Variants in VBP1 observed in about 807,000 individuals in gnomAD.
VBP1 encodes the protein VHL binding protein 1, also known as prefoldin subunit 3.
In VBP1, 4 loss-of-function variants were observed where a neutral mutation model predicts 15.5. That is an observed-to-expected ratio of 0.26 (90% CI 0.13 to 0.59). The LOEUF (loss-of-function observed/expected upper bound fraction) is 0.59, where lower values mean the gene tolerates loss of function less well. Among genes scored for constraint, VBP1 ranks in the 20% least tolerant of loss-of-function variants. The pLI is 0.90. For missense variants in VBP1, 108 were observed against 139.6 expected (o/e 0.77, Z 1.14); for synonymous variants, 61 against 52.1 (o/e 1.17, Z -0.74).
At chrX:155,200,898 A>G (rs2074600578) in intron 1 of VBP1, among the ~76,000 whole-genome samples, 1 of 110,499 alleles carries the variant, frequency 9.0e-6, no homozygotes, top group Non-Finnish European at 1.9e-5. Flanking sequence ...GAAGAATCAA[A>G]TAGATGCAAT....
At chrX:155,223,940 G>T (rs1483977680) in intron 2 of VBP1, among the ~76,000 whole-genome samples, 2 of 110,004 alleles carry the variant, frequency 1.8e-5, no homozygotes, top group Non-Finnish European at 3.8e-5. Context: ...TGGCTGGTCA[G>T]AGACGCTCCT....
intron 2 of VBP1, among the ~76,000 whole-genome samples, chrX:155,224,020 G>T (rs1207800816): frequency 3.7e-5 from 4 of 107,828 alleles, no homozygotes; most frequent in African/African-American, 1.4e-4. Flanking sequence ...CTGGGCAGAG[G>T]CGCTCCCCAC....
chrX:155,205,541 A>G (rs2074623293), intron 1 of VBP1, among the ~76,000 whole-genome samples: 1 of 111,170 alleles, frequency 9.0e-6, no homozygotes, highest in Admixed American at 9.6e-5. Context: ...CTTTTTCCTA[A>G]TCCATTTTCT....
chrX:155,231,674 A>G (rs1254264777), intron 4 of VBP1, among the ~76,000 whole-genome samples: 1 of 112,336 alleles, frequency 8.9e-6, no homozygotes, highest in African/African-American at 3.2e-5. Flanking sequence ...ATCTGTATGT[A>G]CCTAAATATT....
chrX:155,223,523 A>G (rs1252338759), intron 2 of VBP1, among the ~76,000 whole-genome samples: 1 of 111,638 alleles, frequency 9.0e-6, no homozygotes, highest in African/African-American at 3.3e-5. Flanking sequence ...GGGTAAGGTT[A>G]TAGATTAACA....
intron 1 of VBP1, among the ~76,000 whole-genome samples, chrX:155,200,902 A>C (rs201031349): frequency 9.1e-6 from 1 of 110,362 alleles, no homozygotes; most frequent in Non-Finnish European, 1.9e-5. Flanking sequence ...AATCAAATAG[A>C]TGCAATAAAA....
intron 2 of VBP1, among the ~76,000 whole-genome samples, chrX:155,225,761 G>C (rs114215469): frequency 0.028 from 3,162 of 112,007 alleles, 99 homozygotes; most frequent in African/African-American, 0.094. Flanking sequence ...ACATCTTTCT[G>C]TTTACCTATA....
upstream of VBP1, among the ~76,000 whole-genome samples, chrX:155,214,768 C>CTTTTTTT (rs782556765): frequency 1.6e-3 from 131 of 83,063 alleles, 2 homozygotes; most frequent in African/African-American, 4.9e-3. Context: ...TTTTCTTTTC[C>CTTTTTTT]TTTTTTTTTT....
At chrX:155,232,752 G>A (rs781919587) in intron 4 of VBP1, among the ~76,000 whole-genome samples, 1 of 112,919 alleles carries the variant, frequency 8.9e-6, no homozygotes, top group South Asian at 3.6e-4. Context: ...TGGGGAAACT[G>A]GCAGTATCTG....
At chrX:155,204,506 C>A (rs782387772) in intron 1 of VBP1, among the ~76,000 whole-genome samples, 115 of 111,575 alleles carry the variant, frequency 1.0e-3, no homozygotes, top group African/African-American at 3.7e-3. Context: ...CAACTACGAA[C>A]AGAAAAAAAT....
chrX:155,235,116 ATG>A (rs112094871), intron 4 of VBP1, among the ~76,000 whole-genome samples: 2,366 of 96,829 alleles, frequency 0.024, 48 homozygotes, highest in African/African-American at 0.059. Context: ...GTGTGTGTGT[ATG>A]TGTGTGTGTG....
At chrX:155,227,369 C>G (rs1285529180) in intron 3 of VBP1, 68 bp downstream of exon 3, 3 of 803,892 alleles carry the variant, frequency 3.7e-6, no homozygotes, top group East Asian at 3.8e-5. Context: ...TCTTCTTTGA[C>G]TCTTTGGTCA....
chrX:155,200,460 C>G (rs1278204175), intron 1 of VBP1, among the ~76,000 whole-genome samples: 1 of 110,938 alleles, frequency 9.0e-6, no homozygotes, highest in Non-Finnish European at 1.9e-5. Flanking sequence ...GAAACTCACT[C>G]AAAACCGCTC....
At chrX:155,220,086 A>C (rs782083341) in intron 1 of VBP1, 97 bp from the exon 2 acceptor site, 7 of 882,489 alleles carry the variant, frequency 7.9e-6, no homozygotes, top group Non-Finnish European at 9.3e-6. Context: ...GAGAAAAACA[A>C]AGCTTTTTTT....
At chrX:155,238,234 T>C (rs1426417833) in intron 5 of VBP1, among the ~76,000 whole-genome samples, 1 of 111,906 alleles carries the variant, frequency 8.9e-6, no homozygotes, top group African/African-American at 3.2e-5. Context: ...TCTGTTACAT[T>C]GACATTCTAC....
chrX:155,213,030 T>C (rs912017106), upstream of VBP1: 4 of 112,067 alleles, frequency 3.6e-5, no homozygotes, highest in African/African-American at 1.3e-4. Context: ...GGAGGCCCAT[T>C]GGCATGTCTG....
At position 155,198,459 on chromosome X, in the gene VBP1, C is replaced by T. The variant is rs999686972; in HGVS notation, c.-31+1320C>T. Among the ~76,000 whole-genome samples the T allele has an allele frequency of 5.4e-5, 6 of 111,742 alleles. No individual in the cohort carries two copies. In the East Asian group the frequency reaches 1.4e-3, roughly 26 times the overall value. ...GCAGCATTCGCAGTTCATGAAAATC[C>T]GCTGTTCTGCAGCCACTGCTGCTGA... On this transcript the variant is annotated intron_variant, in intron 1 of 6. Transcript: ENST00000535916.
chrX:155,204,809 A>C (rs2074620975), intron 1 of VBP1, among the ~76,000 whole-genome samples: 1 of 112,260 alleles, frequency 8.9e-6, no homozygotes, highest in Non-Finnish European at 1.9e-5. Context: ...TTATTCTAAG[A>C]GTTATGAACT....
In VBP1 at chrX:155,201,835, T is replaced by C. The variant is rs782743094; in HGVS notation, c.-31+4696T>C. On this transcript the variant is annotated intron_variant, in intron 1 of 6. Transcript: ENST00000535916. ...AAGTCAAATTGTCCCTGTTTGCAGA[T>C]GACATGATTGTGTATCTAGAAAACC... Among the ~76,000 whole-genome samples the C allele has an allele frequency of 5.8e-4, 65 of 111,307 alleles. No homozygotes were observed. In the East Asian group the frequency reaches 0.018, roughly 30 times the overall value.
Sources: gnomAD v4.1 joint callset for allele counts (sites outside exome capture counted in the v4.1 genomes callset) on GRCh38, gnomAD v4.1.1 for gene constraint, MANE v1.5 for transcripts, NCBI Gene and HGNC (gene_info 2026-07-23, HGNC 2026-07-21) for gene names.